PCDHGA6: variants seen among roughly 807,000 people sequenced by gnomAD.
The protein encoded by PCDHGA6 is protocadherin gamma subfamily A, 6.
PCDHGA6 carries 41 observed loss-of-function variants against 60.6 expected under a neutral mutation model. The observed-to-expected ratio is 0.68, with a 90% CI of 0.53 to 0.88. The LOEUF is 0.88. Among genes scored for constraint, PCDHGA6 ranks in the 40% least tolerant of loss-of-function variants. The pLI is 0.00. For missense variants in PCDHGA6, 1,312 were observed against 1,203.0 expected, an observed-to-expected ratio of 1.09 and a Z score of -1.34; for synonymous variants, 594 against 524.4, an observed-to-expected ratio of 1.13 and a Z score of -1.81.
Position 141,431,859 on chromosome 5 carries a change from C to T in PCDHGA6, c.2424+55352C>T. ...AACTCTCCCAGAGGGACATTAATTG[C>T]CCTTTTAAATGTAAATGACCAAGAT... On this transcript the variant is annotated intron_variant, in intron 1 of 3. Coordinates refer to ENST00000517434, the MANE Select transcript of PCDHGA6 (RefSeq NM_018919.3). The surrounding 1 kb of genome is among the most constrained non-coding windows in gnomAD (Gnocchi z 4.8). 3.1e-6 allele frequency: 5 copies of T among 1,614,178 alleles called. No homozygotes were observed. The highest frequency in any genetic ancestry group is 4.2e-6 in the Non-Finnish European group (5 of 1,180,008).
chr5:141,374,211 C>G lies in PCDHGA6; in HGVS notation c.128C>G (p.Ser43Cys). 2 of 1,613,954 alleles carry G rather than the reference C, an allele frequency of 1.2e-6. No individual in the cohort carries two copies. The highest frequency in any genetic ancestry group is 1.7e-6 in the Non-Finnish European group (2 of 1,179,902). ...YSIPEELEKG[S>C]FVGNIVKDLG... ...ATTCCCGAGGAGCTGGAGAAAGGCT[C>G]CTTCGTAGGCAACATCGTCAAGGAT... The change falls in exon 1 of 4, where the codon TCC (serine) becomes TGC (cysteine). Residue 43 changes from serine to cysteine, a missense_variant. Coordinates refer to ENST00000517434, the MANE Select transcript of PCDHGA6 (RefSeq NM_018919.3).
At chr5:141,403,138 C>G in intron 1 of PCDHGA6, 1 of 1,614,036 alleles carries the variant, frequency 6.2e-7, no homozygotes, top group Non-Finnish European at 8.5e-7. Context: ...TGGCGGAGCG[C>G]CGAGTCCGCA....
rs748803155 is a variant in PCDHGA6, at chr5:141,490,087, G to A, written c.2425-4720G>A. On this transcript the variant is annotated intron_variant, in intron 1 of 3. Coordinates refer to ENST00000517434, the MANE Select transcript of PCDHGA6 (RefSeq NM_018919.3). The surrounding 1 kb of genome is among the most constrained non-coding windows in gnomAD (Gnocchi z 5.4). ...CGGCCAACTAGACTATTCTTTTGGA[G>A]ACCACACATCTGAGGCAGTGCGGAA... 2.5e-6 allele frequency: 4 copies of A among 1,614,244 alleles called. No homozygotes were observed. The highest frequency in any genetic ancestry group is 1.3e-5 in the African/African-American group (1 of 75,068).
In PCDHGA6 at chr5:141,487,954, T is replaced by C. The variant is rs2099669751; in HGVS notation, c.2425-6853T>C. On this transcript the variant is annotated intron_variant, in intron 1 of 3. Transcript: ENST00000517434. The surrounding 1 kb of genome is among the most constrained non-coding windows in gnomAD (Gnocchi z 5.0). ...GGGTACAGTGCACCAGGCAGTCACTTGGACAAAGGTGGCTGTTTTCTCTAC... is the reference window on the plus strand; with the variant it reads ...GGGTACAGTGCACCAGGCAGTCACTCGGACAAAGGTGGCTGTTTTCTCTAC... Among the ~76,000 whole-genome samples the C allele has an allele frequency of 6.6e-6, 1 of 152,182 alleles. No homozygotes were observed. The highest frequency in any genetic ancestry group is 1.5e-5 in the Non-Finnish European group (1 of 68,020).
chr5:141,436,095 GA>G (rs2097795730), intron 1 of PCDHGA6, among the ~76,000 whole-genome samples: 2 of 152,112 alleles, frequency 1.3e-5, no homozygotes, highest in Non-Finnish European at 2.9e-5. Context: ...AATATTGAGA[GA>G]AATAGAGGAC....
At chr5:141,402,514 AAT>A (rs1200847622) in intron 1 of PCDHGA6, among the ~76,000 whole-genome samples, 1 of 152,218 alleles carries the variant, frequency 6.6e-6, no homozygotes, top group East Asian at 1.9e-4. Flanking sequence ...AATATTAAGC[AAT>A]GGTTTGTGAT....
intron 1 of PCDHGA6, among the ~76,000 whole-genome samples, chr5:141,456,918 G>A (rs535602842): frequency 6.6e-6 from 1 of 152,006 alleles, no homozygotes; most frequent in African/African-American, 2.4e-5. Context: ...AGCCGAGATC[G>A]CACCACTGCA....
intron 1 of PCDHGA6, chr5:141,384,394 G>C (rs1252206948): frequency 1.2e-6 from 2 of 1,613,814 alleles, no homozygotes; most frequent in Non-Finnish European, 1.7e-6. Context: ...CATCCAGGGG[G>C]CTCCAGTGTC....
Position 141,431,854 on chromosome 5 carries a change from A to G in PCDHGA6, c.2424+55347A>G. On this transcript the variant is annotated intron_variant, in intron 1 of 3. Coordinates refer to ENST00000517434, the MANE Select transcript of PCDHGA6 (RefSeq NM_018919.3). The surrounding 1 kb of genome is among the most constrained non-coding windows in gnomAD (Gnocchi z 4.8). Reference sequence around the variant, plus strand: ...CCGAAAACTCTCCCAGAGGGACATTAATTGCCCTTTTAAATGTAAATGACC... The same window carrying G: ...CCGAAAACTCTCCCAGAGGGACATTGATTGCCCTTTTAAATGTAAATGACC... The G allele has an allele frequency of 6.2e-7, 1 of 1,614,230 alleles. No individual in the cohort carries two copies. The highest frequency in any genetic ancestry group is 1.3e-5 in the African/African-American group (1 of 75,070).
rs771450412 is a variant in PCDHGA6, at chr5:141,374,978, G to C, written c.895G>C (p.Gly299Arg). The C allele has an allele frequency of 2.2e-5, 35 of 1,613,984 alleles. No homozygotes were observed. The highest frequency in any genetic ancestry group is 2.9e-5 in the Non-Finnish European group (34 of 1,179,904). The change falls in exon 1 of 4, where the codon GGA becomes CGA. Residue 299 changes from glycine (G) to arginine (R), a missense_variant. Gly to Arg is a moderately radical substitution (Grantham distance 125). Coordinates refer to ENST00000517434, the MANE Select transcript of PCDHGA6 (RefSeq NM_018919.3). ...SQIFCLNVLTGEISTSANLDY... is the reference protein window; with the variant it reads ...SQIFCLNVLTREISTSANLDY... The stretch of plus-strand genomic sequence containing the variant: ...AATTTTCTGTTTGAATGTTTTGACT[G>C]GAGAAATTTCAACTTCTGCAAATCT...
chr5:141,455,158 T>TG (rs1279537888), intron 1 of PCDHGA6, among the ~76,000 whole-genome samples: 46 of 145,032 alleles, frequency 3.2e-4, no homozygotes, highest in African/African-American at 1.0e-3. Flanking sequence ...ATTAGTTTGT[T>TG]GGTTTTTTTT....
At chr5:141,392,238 A>G (rs1412628236) in intron 1 of PCDHGA6, 1 of 152,214 alleles carries the variant, frequency 6.6e-6, no homozygotes, top group Admixed American at 6.5e-5. Context: ...GTTCTTAGTT[A>G]TTTGTTAGTA....
At chr5:141,400,511 C>G (rs1456963604) in intron 1 of PCDHGA6, 1 of 1,613,824 alleles carries the variant, frequency 6.2e-7, no homozygotes, top group African/African-American at 1.3e-5. Context: ...GAGTCGACTT[C>G]CCATCCTGAG....
At chr5:141,418,536 C>G (rs1196331424) in intron 1 of PCDHGA6, 6 of 1,614,026 alleles carry the variant, frequency 3.7e-6, no homozygotes, top group South Asian at 1.1e-5. Flanking sequence ...AGCGGTACTG[C>G]TCAGATAAGA....
chr5:141,374,561 C>A lies in PCDHGA6; in HGVS notation c.478C>A (p.Pro160Thr). ...TTTTCCACTAATGGAGGTCTATGACCCTGATGTGGGAATGAACTCCCTTCA... is the reference window on the plus strand; with the variant it reads ...TTTTCCACTAATGGAGGTCTATGACACTGATGTGGGAATGAACTCCCTTCA... ...SRFPLMEVYDPDVGMNSLQGF... is the reference protein window; with the variant it reads ...SRFPLMEVYDTDVGMNSLQGF... Residue 160 changes from proline to threonine, a missense_variant, in exon 1 of 4, where the codon CCT becomes ACT. By Grantham distance (38) the Pro-to-Thr change is conservative. Coordinates refer to ENST00000517434, the MANE Select transcript of PCDHGA6 (RefSeq NM_018919.3). 1 of 1,613,628 alleles carries A rather than the reference C, an allele frequency of 6.2e-7. No homozygotes were observed.
intron 3 of PCDHGA6, among the ~76,000 whole-genome samples, chr5:141,507,760 T>G (rs2099863136): frequency 6.6e-6 from 1 of 152,202 alleles, no homozygotes; most frequent in Non-Finnish European, 1.5e-5. Context: ...GCCTCCCACC[T>G]TTGGCCCACA....
In PCDHGA6 at chr5:141,403,683, A is replaced by G. The variant is rs757429628; in HGVS notation, c.2424+27176A>G. 2.5e-6 allele frequency: 4 copies of G among 1,613,804 alleles called. No individual in the cohort carries two copies. The highest frequency in any genetic ancestry group is 1.7e-6 in the Non-Finnish European group (2 of 1,179,888). ...AATGATAATGCCCCGGTTTTTGCTC[A>G]ACGGATTTACCGAGTTAAAGTCCTT... On this transcript the variant is annotated intron_variant, in intron 1 of 3. Transcript: ENST00000517434.
intron 3 of PCDHGA6, among the ~76,000 whole-genome samples, chr5:141,509,420 G>A (rs1384424118): frequency 6.6e-6 from 1 of 152,128 alleles, no homozygotes; most frequent in East Asian, 1.9e-4. Context: ...GAGCCCCAAT[G>A]AGTCAAACTC....
Position 141,477,540 on chromosome 5 carries a change from C to T in PCDHGA6, c.2425-17267C>T, listed in dbSNP as rs777796922. On this transcript the variant is annotated intron_variant, in intron 1 of 3. Coordinates refer to ENST00000517434, the MANE Select transcript of PCDHGA6 (RefSeq NM_018919.3). The surrounding 1 kb of genome is among the most constrained non-coding windows in gnomAD (Gnocchi z 4.9). Reference sequence around the variant, plus strand: ...GAAGAAAACAACCTCCCCGGGGCTCCAATACTAAACCTAAGTGTCTGGGAC... The same window carrying T: ...GAAGAAAACAACCTCCCCGGGGCTCTAATACTAAACCTAAGTGTCTGGGAC... The T allele has an allele frequency of 6.8e-6, 11 of 1,614,036 alleles. 1 individual carries two copies. Among genetic ancestry groups the T allele is most frequent in the African/African-American group, 2.7e-5 (2 of 74,920 alleles).
Sources: gnomAD v4.1 joint callset for allele counts (sites outside exome capture counted in the v4.1 genomes callset) on GRCh38, gnomAD v4.1.1 for gene constraint, Gnocchi (gnomAD v3.1) non-coding constraint, MANE v1.5 for transcripts, NCBI Gene and HGNC (gene_info 2026-07-23, HGNC 2026-07-21) for gene names.